KIF13A: variants seen among roughly 807,000 people sequenced by gnomAD.
The protein encoded by KIF13A is kinesin family member 13A, also known as kinesin-like protein KIF13A.
In KIF13A, 79 loss-of-function variants were observed where a neutral mutation model predicts 212.2. That is an observed-to-expected ratio of 0.37 (90% confidence interval 0.31 to 0.45). KIF13A has a LOEUF of 0.45. KIF13A is among the 20% of genes least tolerant of loss of function. The probability of loss-of-function intolerance (pLI) is 1.00; values close to 1 mark genes in which losing one functional copy is unlikely to be tolerated. For missense variants in KIF13A, 1,901 were observed against 2,209.0 expected, an observed-to-expected ratio of 0.86 and a Z score of 2.79; for synonymous variants, 789 against 808.6, an observed-to-expected ratio of 0.98 and a Z score of 0.41.
chr6:17,845,569 GA>G (rs1766943887), intron 9 of KIF13A, among the ~76,000 whole-genome samples: 1 of 152,208 alleles, frequency 6.6e-6, no homozygotes, highest in African/African-American at 2.4e-5. Flanking sequence ...AGCCATTACT[GA>G]ATAAAATGGA....
chr6:17,980,797 T>A (rs1248191227), intron 2 of KIF13A, among the ~76,000 whole-genome samples: 3 of 152,172 alleles, frequency 2.0e-5, no homozygotes, highest in Admixed American at 6.6e-5. Flanking sequence ...ATAAATAATG[T>A]CAACACTAAA....
Position 17,778,828 on chromosome 6 carries a change from T to C in KIF13A, c.4092+119A>G. 5.2e-6 allele frequency: 6 copies of C among 1,160,368 alleles called. No homozygotes were observed. In the South Asian group the frequency reaches 6.7e-5, roughly 13 times the overall value. The allele number at this position is 1,160,368 out of a possible 1,614,324, so 71.9% of individuals were successfully genotyped here. A position where few individuals can be genotyped will look rare whatever the true frequency, so the allele number is the denominator to read the frequency against. ...TTTGCCAGAGTCCTTTCAATAGAGA[T>C]GGCTCAAGTGCTCCTTCTCTGATAG... On this transcript the variant is annotated intron_variant, in intron 33 of 38. Transcript: ENST00000259711.
intron 3 of KIF13A, among the ~76,000 whole-genome samples, chr6:17,887,734 C>T (rs1288954331): frequency 6.6e-6 from 1 of 152,122 alleles, no homozygotes; most frequent in East Asian, 1.9e-4. Context: ...GCTCTTGTTG[C>T]CCAGGCTACA....
chr6:17,821,918 G>T, intron 16 of KIF13A: 1 of 1,535,328 alleles, frequency 6.5e-7, no homozygotes, highest in Non-Finnish European at 8.7e-7. Context: ...AGCAGTAGAG[G>T]GGAATCACAG....
At chr6:17,836,498 A>C (rs1479313030) in intron 11 of KIF13A, among the ~76,000 whole-genome samples, 1 of 152,226 alleles carries the variant, frequency 6.6e-6, no homozygotes, top group Non-Finnish European at 1.5e-5. Flanking sequence ...AATGCTTAGC[A>C]TTTGGCAGAT....
intron 2 of KIF13A, among the ~76,000 whole-genome samples, chr6:17,948,400 G>C (rs2150566371): frequency 6.6e-6 from 1 of 152,128 alleles, no homozygotes; most frequent in East Asian, 1.9e-4. Context: ...ATAAAATACA[G>C]AGTCAAATTA....
At chr6:17,873,531 T>G in intron 3 of KIF13A, 94 bp from the exon 4 acceptor site, 1 of 812,056 alleles carries the variant, frequency 1.2e-6, no homozygotes, top group Non-Finnish European at 2.0e-6. Context: ...ATGAGAAGGA[T>G]GGCCACTACT....
At chr6:17,763,249 C>T (rs1244199575), downstream of KIF13A, among the ~76,000 whole-genome samples, 1 of 151,978 alleles carries the variant, frequency 6.6e-6, no homozygotes, top group Non-Finnish European at 1.5e-5. Flanking sequence ...CTTTGGGAGG[C>T]CAAGGGGGAT....
chr6:17,933,314 T>C (rs1369383263), intron 2 of KIF13A, among the ~76,000 whole-genome samples: 1 of 152,024 alleles, frequency 6.6e-6, no homozygotes, highest in East Asian at 1.9e-4. Context: ...AGAAACCTCC[T>C]GAGCTCCCTG....
intron 2 of KIF13A, among the ~76,000 whole-genome samples, chr6:17,933,808 C>T (rs1394191272): frequency 6.6e-6 from 1 of 152,222 alleles, no homozygotes; most frequent in East Asian, 1.9e-4. Context: ...ATTAGAAATG[C>T]CTTTCTTCTA....
chr6:17,775,114 G>T, intron 34 of KIF13A, 52 bp from the exon 35 acceptor site: 1 of 1,431,822 alleles, frequency 7.0e-7, no homozygotes, highest in Non-Finnish European at 9.6e-7. Context: ...TAATATAAGG[G>T]GTTTTTTTTA....
intron 9 of KIF13A, among the ~76,000 whole-genome samples, chr6:17,845,553 G>A (rs980440841): frequency 6.6e-6 from 1 of 152,198 alleles, no homozygotes; most frequent in Non-Finnish European, 1.5e-5. Flanking sequence ...TTTGCATTTA[G>A]TGACTAGCCA....
At chr6:17,978,718 T>C (rs939366475) in intron 2 of KIF13A, among the ~76,000 whole-genome samples, 16 of 152,200 alleles carry the variant, frequency 1.1e-4, no homozygotes, top group Admixed American at 9.8e-4. Context: ...CTGCAGAATG[T>C]TTACTATTTG....
At position 17,764,545 on chromosome 6, in the gene KIF13A, C is replaced by CT. The variant is rs752560677; in HGVS notation, c.4982dup (p.Asp1662GlyfsTer26). On this transcript the variant is annotated frameshift_variant, in exon 39 of 39. Coordinates refer to ENST00000259711, the MANE Select transcript of KIF13A (RefSeq NM_022113.6). LOFTEE classifies it low-confidence loss of function (END_TRUNC). The surrounding 1 kb of genome is among the most constrained non-coding windows in gnomAD (Gnocchi z 5.1). ...TGAGTGGCACCACAATTATCTTGTCCTTTACCAAGCCTTTTTCGACTTCTG... is the reference window on the plus strand; with the variant it reads ...TGAGTGGCACCACAATTATCTTGTCCTTTTACCAAGCCTTTTTCGACTTCTG... 6.2e-7 allele frequency: 1 copy of CT among 1,613,954 alleles called. No individual in the cohort carries two copies. The highest frequency in any genetic ancestry group is 8.5e-7 in the Non-Finnish European group (1 of 1,179,884).
At chr6:17,832,407 C>T (rs1043842864) in intron 12 of KIF13A, among the ~76,000 whole-genome samples, 4 of 151,946 alleles carry the variant, frequency 2.6e-5, no homozygotes, top group East Asian at 3.9e-4. Flanking sequence ...GAGGCTAAGG[C>T]GGGTGGATCA....
At chr6:17,978,081 C>T (rs1328051483) in intron 2 of KIF13A, among the ~76,000 whole-genome samples, 1 of 152,202 alleles carries the variant, frequency 6.6e-6, no homozygotes, top group Non-Finnish European at 1.5e-5. Flanking sequence ...ATGAAATTAA[C>T]ACTGGATTCA....
At chr6:17,827,003 A>C (rs1295380850) in intron 14 of KIF13A, among the ~76,000 whole-genome samples, 2 of 151,880 alleles carry the variant, frequency 1.3e-5, no homozygotes. Context: ...CAGAGGTTGC[A>C]GTGAGCCGAG....
rs1360956670 is a variant in KIF13A at position 17,828,244 on chromosome 6, C to T, written c.1528G>A (p.Ala510Thr). Reference protein sequence around the residue: ...GDVTLTPKENARSCVNGTLVC... With the variant: ...GDVTLTPKENTRSCVNGTLVC... The stretch of plus-strand genomic sequence containing the variant: ...GTCACCATTTACTTTTCTTACCTTG[C>T]ATTTTCTTTTGGAGTGAGAGTGACG... The change falls in exon 14 of 39, where the codon GCA becomes ACA. Residue 510 changes from alanine to threonine, a missense_variant. Ala to Thr is a moderately conservative substitution (Grantham distance 58). Transcript: ENST00000259711. This position sits in a 1 kb window ranked among gnomAD's most constrained non-coding sequence, Gnocchi z 4.3. 2 of 1,609,618 alleles carry T rather than the reference C, an allele frequency of 1.2e-6. No individual in the cohort carries two copies. The highest frequency in any genetic ancestry group is 2.2e-5 in the East Asian group (1 of 44,770).
At position 17,872,911 on chromosome 6, in the gene KIF13A, C is replaced by T. The variant is rs544356049; in HGVS notation, c.220+466G>A. Among the ~76,000 whole-genome samples the T allele has an allele frequency of 3.9e-5, 6 of 152,282 alleles. No homozygotes were observed. In the South Asian group the frequency reaches 1.2e-3, roughly 32 times the overall value. On this transcript the variant is annotated intron_variant, in intron 4 of 38. Transcript: ENST00000259711. This position sits in a 1 kb window ranked among gnomAD's most constrained non-coding sequence, Gnocchi z 4.7. ...TCGGCCTCCCAAAGTGCTGGGATTA[C>T]AGATGTGAGCCACCATGCCCGGACG...
Sources: gnomAD v4.1 joint callset for allele counts (sites outside exome capture counted in the v4.1 genomes callset) on GRCh38, gnomAD v4.1.1 for gene constraint, Gnocchi (gnomAD v3.1) non-coding constraint, MANE v1.5 for transcripts, NCBI Gene and HGNC (gene_info 2026-07-23, HGNC 2026-07-21) for gene names.